Variants in MET observed in about 807,000 individuals in gnomAD.
MET encodes the protein hepatocyte growth factor receptor.
Under a neutral mutation model 133.1 loss-of-function variants are expected in MET, and 48 were observed. That is an observed-to-expected ratio of 0.36 (90% CI 0.29 to 0.46). The LOEUF is 0.46. Among genes scored for constraint, MET ranks in the 20% least tolerant of loss-of-function variants. The pLI, the probability that MET is intolerant of heterozygous loss-of-function variation, is 1.00. For missense variants in MET, 1,442 were observed against 1,695.9 expected (o/e 0.85, Z 2.63); for synonymous variants, 628 against 616.5 (o/e 1.02, Z -0.28).
chr7:116,719,521 T>C (rs1478459069), intron 2 of MET, among the ~76,000 whole-genome samples: 2 of 152,234 alleles, frequency 1.3e-5, no homozygotes, highest in African/African-American at 4.8e-5. Context: ...ATTTTGGCTT[T>C]TGTTGCCATT....
chr7:116,672,455 G>T lies in MET; in HGVS notation c.-137G>T, dbSNP rs1196149751. 3 of 397,520 alleles carry T rather than the reference G, an allele frequency of 7.5e-6. No homozygotes were observed. Among genetic ancestry groups the T allele is most frequent in the Non-Finnish European group, 1.3e-5 (3 of 225,482 alleles). The allele number at this position is 397,520 out of a possible 1,614,324, so 24.6% of individuals were successfully genotyped here. A position where few individuals can be genotyped will look rare whatever the true frequency, so the allele number is the denominator to read the frequency against. On this transcript the variant is annotated 5_prime_UTR_variant, in exon 1 of 21. Transcript: ENST00000397752. ...GCGCTTTGTGAGCAGATGCGGAGCCGAGTGGAGGGCGCGAGCCAGATGCGG... is the reference window on the plus strand; with the variant it reads ...GCGCTTTGTGAGCAGATGCGGAGCCTAGTGGAGGGCGCGAGCCAGATGCGG...
chr7:116,717,206 C>A (rs1410829427), intron 2 of MET, among the ~76,000 whole-genome samples: 5 of 152,206 alleles, frequency 3.3e-5, no homozygotes, highest in African/African-American at 1.2e-4. Context: ...AGAGAAGGAT[C>A]TGCTTTGCCA....
intron 19 of MET, among the ~76,000 whole-genome samples, chr7:116,794,862 G>A (rs143561006): frequency 1.3e-5 from 2 of 152,338 alleles, no homozygotes; most frequent in East Asian, 3.9e-4. Flanking sequence ...TCTATCCTGA[G>A]CACAGTGTTT....
At chr7:116,763,325 T>C in intron 11 of MET, 57 bp downstream of exon 11, 1 of 1,443,600 alleles carries the variant, frequency 6.9e-7, no homozygotes, top group South Asian at 1.2e-5. Flanking sequence ...ATTGACTTCA[T>C]AGCTATGTGA....
intron 1 of MET, among the ~76,000 whole-genome samples, chr7:116,692,846 G>A (rs1796822290): frequency 6.6e-6 from 1 of 152,216 alleles, no homozygotes; most frequent in South Asian, 2.1e-4. Flanking sequence ...AACATTTTAA[G>A]AGAATGAATT....
Position 116,757,633 on chromosome 7 carries a change from T to A in MET, c.1966-5T>A. 1 of 1,613,966 alleles carries A rather than the reference T, an allele frequency of 6.2e-7. No individual in the cohort carries two copies. Among genetic ancestry groups the A allele is most frequent in the Non-Finnish European group, 8.5e-7 (1 of 1,179,932 alleles). ...TACTTTGTTTTGTTTTTATCTCCCC[T>A]CCAGGATCCTGTAATAACAAGTATT... On this transcript the variant is annotated splice_region_variant and splice_polypyrimidine_tract_variant and intron_variant, in intron 7 of 20. Transcript: ENST00000397752.
At chr7:116,769,939 A>G (rs965620890) in intron 12 of MET, 148 bp downstream of exon 12, 29 of 1,198,648 alleles carry the variant, frequency 2.4e-5, no homozygotes, top group Non-Finnish European at 3.3e-5. Context: ...TATTTTAGAA[A>G]TAGTGAGCTT....
At chr7:116,732,179 AT>A (rs927479921) in intron 3 of MET, among the ~76,000 whole-genome samples, 2 of 151,724 alleles carry the variant, frequency 1.3e-5, no homozygotes, top group African/African-American at 4.8e-5. Context: ...CTTCTAGGCA[AT>A]TTTTTTTTAT....
intron 1 of MET, among the ~76,000 whole-genome samples, chr7:116,677,999 C>G (rs1011371258): frequency 1.3e-4 from 19 of 151,420 alleles, no homozygotes; most frequent in Middle Eastern, 3.4e-3. Flanking sequence ...CTCTCTCTCT[C>G]TCTGTCTCTG....
At chr7:116,740,709 A>G in intron 4 of MET, 143 bp from the exon 5 acceptor site, 2 of 990,848 alleles carry the variant, frequency 2.0e-6, no homozygotes, top group Non-Finnish European at 3.1e-6. Flanking sequence ...AATCACCGTT[A>G]TGACAGGATT....
intron 5 of MET, among the ~76,000 whole-genome samples, chr7:116,746,699 A>G (rs1205880919): frequency 1.4e-5 from 2 of 146,862 alleles, no homozygotes; most frequent in East Asian, 2.1e-4. Flanking sequence ...CAAACACCGC[A>G]TGTTCTCACT....
rs143338232 is a variant in MET at position 116,796,684 on chromosome 7, G to A, written c.*560G>A. ...AGGATCTCACTCTGTTGCCAGGGCT[G>A]TAGTGCAGTGGTGTGATCATAGCTC... On this transcript the variant is annotated 3_prime_UTR_variant, in exon 21 of 21. Coordinates refer to ENST00000397752, the MANE Select transcript of MET (RefSeq NM_000245.4). The A allele has an allele frequency of 1.1e-4, 26 of 244,138 alleles. No homozygotes were observed. The highest frequency in any genetic ancestry group is 5.4e-4 in the Admixed American group (11 of 20,376). 15.1% of individuals were successfully genotyped at this position (244,138 alleles called of 1,614,324 possible).
intron 1 of MET, among the ~76,000 whole-genome samples, chr7:116,682,060 T>G (rs1364673162): frequency 6.6e-6 from 1 of 152,212 alleles, no homozygotes. Flanking sequence ...TAACACATAC[T>G]TGGATTATTG....
At position 116,783,388 on chromosome 7, in the gene MET, C is replaced by A. The variant is rs2117066535; in HGVS notation, c.3717C>A (p.Asn1239Lys). ...ATAAAGAATACTATAGTGTACACAA[C>A]AAAACAGGTGCAAAGCTGCCAGTGA... ...MYDKEYYSVH[N>K]KTGAKLPVKW... Residue 1239 changes from asparagine to lysine, a missense_variant, in exon 19 of 21, where the codon AAC becomes AAA. Transcript: ENST00000397752. 1 of 1,614,106 alleles carries A rather than the reference C, an allele frequency of 6.2e-7. No homozygotes were observed. Among genetic ancestry groups the A allele is most frequent in the Non-Finnish European group, 8.5e-7 (1 of 1,180,008 alleles).
At position 116,771,727 on chromosome 7, in the gene MET, G is replaced by A. The variant is rs894047114; in HGVS notation, c.2887+73G>A. On this transcript the variant is annotated intron_variant, in intron 13 of 20. Coordinates refer to ENST00000397752, the MANE Select transcript of MET (RefSeq NM_000245.4). ...GTCATTACAGTTTAAGATTGTCGTC[G>A]ATTCTTGTGTGCTGTCTTATATGTA... 4.4e-6 allele frequency: 7 copies of A among 1,607,722 alleles called. No homozygotes were observed. The African/African-American group carries it at 8.0e-5, about 18-fold the overall frequency.
rs776640090 is a variant in MET, at chr7:116,699,076, C to A, written c.-9C>A. Reference sequence around the variant, plus strand: ...CCTTGAACCTGTTTTGGCAGATAAACCTCTCATAATGAAGGCCCCCGCTGT... The same window carrying A: ...CCTTGAACCTGTTTTGGCAGATAAAACTCTCATAATGAAGGCCCCCGCTGT... On this transcript the variant is annotated 5_prime_UTR_variant, in exon 2 of 21. Transcript: ENST00000397752. The A allele has an allele frequency of 1.2e-6, 2 of 1,613,778 alleles. No individual in the cohort carries two copies. Among genetic ancestry groups the A allele is most frequent in the South Asian group, 2.2e-5 (2 of 91,074 alleles).
chr7:116,792,855 A>G (rs552888738), intron 19 of MET, among the ~76,000 whole-genome samples: 84 of 152,330 alleles, frequency 5.5e-4, no homozygotes, highest in Non-Finnish European at 1.0e-3. Context: ...AACCAATTAC[A>G]TCACAGGATT....
At chr7:116,674,632 G>A (rs951483751) in intron 1 of MET, among the ~76,000 whole-genome samples, 2 of 152,116 alleles carry the variant, frequency 1.3e-5, no homozygotes, top group African/African-American at 4.8e-5. Flanking sequence ...CCTCTAACTG[G>A]CTTATTTTCT....
chr7:116,795,488 G>C (rs1317268165), intron 19 of MET, among the ~76,000 whole-genome samples, 167 bp from the exon 20 acceptor site: 1 of 152,174 alleles, frequency 6.6e-6, no homozygotes, highest in Non-Finnish European at 1.5e-5. Flanking sequence ...GTTTAAACAA[G>C]TCATGAAATG....
Sources: allele counts gnomAD v4.1 joint callset (sites outside exome capture counted in the v4.1 genomes callset), GRCh38; gene constraint gnomAD v4.1.1; transcripts MANE v1.5; gene names NCBI Gene and HGNC (gene_info 2026-07-23, HGNC 2026-07-21).